GLI2: variants seen among roughly 807,000 people sequenced by gnomAD.
GLI2 encodes GLI family zinc finger 2.
In GLI2, 22 loss-of-function variants were observed where a neutral mutation model predicts 78.9. The observed-to-expected ratio is 0.28, with a 90% CI of 0.20 to 0.40. The LOEUF (loss-of-function observed/expected upper bound fraction) is 0.40, where lower values mean the gene tolerates loss of function less well. GLI2 is among the 10% of genes least tolerant of loss of function. The probability of loss-of-function intolerance (pLI) is 1.00; values close to 1 mark genes in which losing one functional copy is unlikely to be tolerated. For missense variants in GLI2, 2,097 were observed against 2,213.2 expected, an observed-to-expected ratio of 0.95 and a Z score of 1.05; for synonymous variants, 974 against 963.7, an observed-to-expected ratio of 1.01 and a Z score of -0.20.
chr2:120,840,091 A>G lies in GLI2; in HGVS notation c.148+42623A>G, dbSNP rs191785181. Among the ~76,000 whole-genome samples, 30 of 152,322 alleles carry G rather than the reference A, an allele frequency of 2.0e-4. No individual in the cohort carries two copies. In the East Asian group the frequency reaches 5.0e-3, roughly 25 times the overall value. On this transcript the variant is annotated intron_variant, in intron 2 of 13. Transcript: ENST00000361492. The stretch of plus-strand genomic sequence containing the variant: ...CTTTTCTACTCTTCTTGATATAAAC[A>G]TATTTCTAAGTTATGCTTCAGTTAC...
In GLI2 at chr2:120,988,767, G is replaced by A. The variant is rs1683115446; in HGVS notation, c.2802G>A (p.Ala934=). 1.6e-6 allele frequency: 2 copies of A among 1,287,140 alleles called. No individual in the cohort carries two copies. The highest frequency in any genetic ancestry group is 7.9e-5 in the East Asian group (2 of 25,452). The allele number at this position is 1,287,140 out of a possible 1,614,324, so 79.7% of individuals were successfully genotyped here. ...SDGPTYGHGH[A]GAAPAFPHEA... is the part of the protein sequence containing the mutation. Reference sequence around the variant, plus strand: ...GGCCGACCTATGGCCACGGCCACGCGGGGGCTGCGCCCGCCTTCCCCCACG... The same window carrying A: ...GGCCGACCTATGGCCACGGCCACGCAGGGGCTGCGCCCGCCTTCCCCCACG... The change falls in exon 14 of 14, where the codon GCG becomes GCA. Residue 934 remains alanine, a synonymous_variant. Coordinates refer to ENST00000361492, the MANE Select transcript of GLI2 (RefSeq NM_001374353.1).
chr2:120,814,002 A>G (rs1685379828), intron 2 of GLI2, among the ~76,000 whole-genome samples: 1 of 151,914 alleles, frequency 6.6e-6, no homozygotes, highest in African/African-American at 2.4e-5. Context: ...AGGCTAAGAG[A>G]GTCAGCTGCC....
At chr2:120,820,083 C>T (rs924025104) in intron 2 of GLI2, among the ~76,000 whole-genome samples, 1 of 152,202 alleles carries the variant, frequency 6.6e-6, no homozygotes, top group Non-Finnish European at 1.5e-5. Context: ...GCAGCATCTA[C>T]TGAGGCATCC....
chr2:120,977,496 C>T (rs1682509337), intron 9 of GLI2, among the ~76,000 whole-genome samples: 1 of 152,124 alleles, frequency 6.6e-6, no homozygotes, highest in African/African-American at 2.4e-5. Flanking sequence ...TGCAAGAGCC[C>T]CACATGGGGC....
intron 5 of GLI2, among the ~76,000 whole-genome samples, chr2:120,959,285 C>T (rs1681427254): frequency 2.0e-5 from 3 of 152,236 alleles, no homozygotes; most frequent in South Asian, 4.2e-4. Flanking sequence ...ATGGAGGTAA[C>T]GGGGAAGCAT....
rs1682568120 is a variant in GLI2 at position 120,742,150 on chromosome 2, T to G, written c.-31+5865T>G. The stretch of plus-strand genomic sequence containing the variant: ...TTTTGGTGGCGTCTGAAACTTTTTC[T>G]GTAAGGCATCTGCAGACAGTAATCA... On this transcript the variant is annotated intron_variant, in intron 1 of 13. Transcript: ENST00000361492. Among the ~76,000 whole-genome samples, 3 of 152,356 alleles carry G rather than the reference T, an allele frequency of 2.0e-5. No homozygotes were observed. In the South Asian group the frequency reaches 6.2e-4, roughly 32 times the overall value.
At chr2:120,964,163 T>G (rs1263635514) in intron 5 of GLI2, among the ~76,000 whole-genome samples, 1 of 152,162 alleles carries the variant, frequency 6.6e-6, no homozygotes, top group African/African-American at 2.4e-5. Flanking sequence ...ATAGGGAAGA[T>G]CTGCCCAACT....
intron 13 of GLI2, 23 bp downstream of exon 13, chr2:120,986,637 C>T (rs1369730716): frequency 6.3e-7 from 1 of 1,597,312 alleles, no homozygotes; most frequent in East Asian, 2.2e-5. Flanking sequence ...CTGGGGTTTG[C>T]AGATGGGGCA....
chr2:120,960,418 C>T (rs1573680281), intron 5 of GLI2, among the ~76,000 whole-genome samples: 2 of 152,194 alleles, frequency 1.3e-5, no homozygotes, highest in Admixed American at 1.3e-4. Context: ...CATGTGGGTC[C>T]TCATCCTGCA....
At chr2:120,951,160 A>C (rs1479983950) in intron 3 of GLI2, 83 bp from the exon 4 acceptor site, 3 of 809,296 alleles carry the variant, frequency 3.7e-6, no homozygotes, top group Admixed American at 1.7e-5. Flanking sequence ...AGGAGAGACA[A>C]GGACTGTCCA....
intron 8 of GLI2, chr2:120,972,591 C>T (rs1371351207): frequency 7.8e-6 from 4 of 514,646 alleles, no homozygotes; most frequent in Non-Finnish European, 1.5e-5. Context: ...ACACCTGTCT[C>T]CCTGTCTGCA....
chr2:120,971,179 C>G (rs1481001878), intron 7 of GLI2, among the ~76,000 whole-genome samples: 2 of 152,234 alleles, frequency 1.3e-5, no homozygotes, highest in South Asian at 4.1e-4. Flanking sequence ...CTCTTTCCCT[C>G]TCGCAGCCTG....
At chr2:120,823,260 C>T (rs1486895577) in intron 2 of GLI2, among the ~76,000 whole-genome samples, 2 of 152,152 alleles carry the variant, frequency 1.3e-5, no homozygotes, top group Non-Finnish European at 2.9e-5. Flanking sequence ...AAGCTGCCCC[C>T]GGTGTGATAT....
chr2:120,808,388 T>A (rs550527987), intron 2 of GLI2, among the ~76,000 whole-genome samples: 1 of 152,238 alleles, frequency 6.6e-6, no homozygotes, highest in African/African-American at 2.4e-5. Context: ...GCCCCTGTTG[T>A]CCATCATCCT....
At chr2:120,922,798 G>A (rs1679447734) in intron 2 of GLI2, among the ~76,000 whole-genome samples, 1 of 152,104 alleles carries the variant, frequency 6.6e-6, no homozygotes, top group South Asian at 2.1e-4. Context: ...GTGCACGGGT[G>A]CAGCCTGCAC....
intron 2 of GLI2, among the ~76,000 whole-genome samples, chr2:120,837,705 T>C (rs1686683686): frequency 6.6e-6 from 1 of 152,264 alleles, no homozygotes; most frequent in South Asian, 2.1e-4. Flanking sequence ...AAATTTGTTT[T>C]ACTTTATCTA....
chr2:120,792,293 G>A (rs887373920), intron 1 of GLI2: 1 of 152,146 alleles, frequency 6.6e-6, no homozygotes, highest in Non-Finnish European at 1.5e-5. Context: ...TGAAGTTCGT[G>A]GACTCCTACA....
intron 2 of GLI2, among the ~76,000 whole-genome samples, chr2:120,915,376 C>A (rs574206536): frequency 3.3e-5 from 5 of 152,186 alleles, no homozygotes; most frequent in East Asian, 1.9e-4. Context: ...TTCCTCCCCC[C>A]ACGTTTTTCC....
chr2:120,804,908 G>T (rs746346), intron 2 of GLI2, among the ~76,000 whole-genome samples: 11 of 152,240 alleles, frequency 7.2e-5, no homozygotes, highest in African/African-American at 2.7e-4. Context: ...GGGTCAGGCA[G>T]ATCTGGGCTC....
Sources: allele counts gnomAD v4.1 joint callset (sites outside exome capture counted in the v4.1 genomes callset), GRCh38; gene constraint gnomAD v4.1.1; transcripts MANE v1.5; gene names NCBI Gene and HGNC (gene_info 2026-07-23, HGNC 2026-07-21).